The following WDFY3 variants were observed in gnomAD, a reference collection of about 807,000 sequenced individuals.
The protein encoded by WDFY3 is WD repeat and FYVE domain-containing protein 3.
WDFY3 carries 66 observed loss-of-function variants against 409.6 expected under a neutral mutation model. The observed-to-expected ratio is 0.16, with a 90% CI of 0.13 to 0.20. The LOEUF (loss-of-function observed/expected upper bound fraction) is 0.20. Ranked by LOEUF, WDFY3 falls within the 10% of genes least tolerant of loss-of-function variation. The probability of loss-of-function intolerance (pLI) is 1.00; values close to 1 mark genes in which losing one functional copy is unlikely to be tolerated. For synonymous variants in WDFY3, 1,521 were observed against 1,537.1 expected (o/e 0.99, Z 0.25); for missense variants, 3,031 against 4,298.1 (o/e 0.71, Z 8.24).
intron 3 of WDFY3, among the ~76,000 whole-genome samples, chr4:84,881,153 T>C (rs1360767004): frequency 6.6e-6 from 1 of 152,168 alleles, no homozygotes; most frequent in Non-Finnish European, 1.5e-5. Flanking sequence ...TTACCATACA[T>C]ACGCATCAAT....
chr4:84,922,650 T>C (rs572946379), intron 2 of WDFY3, among the ~76,000 whole-genome samples: 40 of 152,100 alleles, frequency 2.6e-4, no homozygotes, highest in Non-Finnish European at 5.3e-4. Flanking sequence ...AGGCAAAGTC[T>C]GTTTTGTTGT....
Position 84,937,190 on chromosome 4 carries a change from T to C in WDFY3, c.-225-4827A>G, listed in dbSNP as rs367549076. The stretch of plus-strand genomic sequence containing the variant: ...CATCACTGAAATTCAAGGTCATCAA[T>C]TACCTGAATATTGTTAAATCCAAAG... On this transcript the variant is annotated intron_variant, in intron 1 of 67. Coordinates refer to ENST00000295888, the MANE Select transcript of WDFY3 (RefSeq NM_014991.6). Among the ~76,000 whole-genome samples, 9 of 152,158 alleles carry C rather than the reference T, an allele frequency of 5.9e-5. No homozygotes were observed. The East Asian group carries it at 7.7e-4, about 13-fold the overall frequency.
At chr4:84,828,880 C>A in intron 9 of WDFY3, 124 bp downstream of exon 9, 1 of 976,288 alleles carries the variant, frequency 1.0e-6, no homozygotes, top group Non-Finnish European at 1.4e-6. Flanking sequence ...GGAGTAAAGC[C>A]AGGTATACAT....
chr4:84,694,443 C>T (rs1729776273), intron 58 of WDFY3, among the ~76,000 whole-genome samples: 2 of 152,238 alleles, frequency 1.3e-5, no homozygotes, highest in African/African-American at 4.8e-5. Context: ...CTGGCCTCTT[C>T]TACTTCAAAG....
At chr4:84,929,865 C>T (rs553474757) in intron 2 of WDFY3, among the ~76,000 whole-genome samples, 5 of 151,614 alleles carry the variant, frequency 3.3e-5, no homozygotes, top group East Asian at 1.9e-4. Flanking sequence ...CAGTCAAGGT[C>T]GCACCACTGC....
At position 84,698,557 on chromosome 4, in the gene WDFY3, GCCAGTGCTCCGC is replaced by G. The variant is rs1730527733; in HGVS notation, c.8597-1746_8597-1735del. On this transcript the variant is annotated intron_variant, in intron 56 of 67. Coordinates refer to ENST00000295888, the MANE Select transcript of WDFY3 (RefSeq NM_014991.6). ...CAAAGTGCTTGAATTATAGGCAAGA[GCCAGTGCTCCGC>G]CCTTAATTTTGCTATTCTGAAGCTC... 2.6e-5 allele frequency among the ~76,000 whole-genome samples: 4 copies of G among 152,270 alleles called. No individual in the cohort carries two copies. In the East Asian group the frequency reaches 7.7e-4, roughly 29 times the overall value.
intron 3 of WDFY3, among the ~76,000 whole-genome samples, chr4:84,873,001 G>A (rs1267282766): frequency 6.6e-6 from 1 of 152,108 alleles, no homozygotes; most frequent in Non-Finnish European, 1.5e-5. Flanking sequence ...AATCCTTAAC[G>A]TGTATAGGTC....
chr4:84,818,906 C>A (rs1398913039), intron 12 of WDFY3, among the ~76,000 whole-genome samples: 2 of 152,106 alleles, frequency 1.3e-5, no homozygotes, highest in Non-Finnish European at 2.9e-5. Flanking sequence ...TCTTCCTGTG[C>A]AACTTCTAGG....
chr4:84,862,173 C>T (rs531445421), intron 3 of WDFY3, among the ~76,000 whole-genome samples: 19 of 152,308 alleles, frequency 1.2e-4, no homozygotes, highest in African/African-American at 4.1e-4. Flanking sequence ...TACTTGACTA[C>T]GGGCATATGC....
intron 14 of WDFY3, chr4:84,809,668 C>A (rs1752147637): frequency 2.3e-5 from 10 of 439,896 alleles, no homozygotes; most frequent in South Asian, 8.4e-5. Flanking sequence ...ACTAATTGAA[C>A]CTGAATTTAC....
At chr4:84,910,674 T>C (rs1180120238) in intron 2 of WDFY3, among the ~76,000 whole-genome samples, 1 of 152,050 alleles carries the variant, frequency 6.6e-6, no homozygotes, top group Non-Finnish European at 1.5e-5. Flanking sequence ...TATAAAGTTC[T>C]TACCAAAAAA....
At chr4:84,711,019 C>T (rs1183688210) in intron 51 of WDFY3, among the ~76,000 whole-genome samples, 3 of 152,162 alleles carry the variant, frequency 2.0e-5, no homozygotes, top group African/African-American at 7.2e-5. Flanking sequence ...TTTAGATGCA[C>T]ACAGACTGGA....
intron 8 of WDFY3, 149 bp downstream of exon 8, chr4:84,831,264 G>GA (rs1049953072): frequency 6.6e-5 from 37 of 560,962 alleles, no homozygotes; most frequent in Admixed American, 1.2e-4. Flanking sequence ...CCCCACAGAT[G>GA]AAAAAAAATA....
At chr4:84,840,393 C>T (rs1183424909) in intron 6 of WDFY3, among the ~76,000 whole-genome samples, 2 of 152,014 alleles carry the variant, frequency 1.3e-5, no homozygotes, top group East Asian at 3.9e-4. Context: ...TTTTCCATGT[C>T]ATTTGTTCTT....
At chr4:84,696,666 T>C (rs1359731979) in intron 57 of WDFY3, 66 bp downstream of exon 57, 8 of 1,518,052 alleles carry the variant, frequency 5.3e-6, no homozygotes, top group African/African-American at 1.4e-5. Context: ...CTAGAGGCCC[T>C]GTCTTTGTAT....
At chr4:84,804,600 TA>T (rs1156233924) in intron 15 of WDFY3, among the ~76,000 whole-genome samples, 2 of 152,222 alleles carry the variant, frequency 1.3e-5, no homozygotes, top group African/African-American at 4.8e-5. Flanking sequence ...CAAAAAGATT[TA>T]ATTTCTAAAC....
intron 64 of WDFY3, 105 bp downstream of exon 64, chr4:84,682,269 G>C: frequency 9.6e-7 from 1 of 1,038,666 alleles, no homozygotes; most frequent in East Asian, 2.6e-5. Context: ...TCCAAGCAGT[G>C]CCCAACCTTG....
At chr4:84,878,447 A>T (rs537200768) in intron 3 of WDFY3, among the ~76,000 whole-genome samples, 1 of 152,360 alleles carries the variant, frequency 6.6e-6, no homozygotes, top group Non-Finnish European at 1.5e-5. Context: ...TAAAGCAATG[A>T]TATCAACAAA....
At chr4:84,771,074 A>G (rs542171804) in intron 30 of WDFY3, among the ~76,000 whole-genome samples, 1 of 152,284 alleles carries the variant, frequency 6.6e-6, no homozygotes, top group South Asian at 2.1e-4. Context: ...CAACACTACT[A>G]TGGTTACTGA....
Sources: allele counts gnomAD v4.1 joint callset (sites outside exome capture counted in the v4.1 genomes callset), GRCh38; gene constraint gnomAD v4.1.1; transcripts MANE v1.5; gene names NCBI Gene and HGNC (gene_info 2026-07-23, HGNC 2026-07-21).